Variants in BCAS4 observed in about 807,000 individuals in gnomAD.
BCAS4 encodes breast carcinoma amplified sequence 4.
Under a neutral mutation model 15.7 loss-of-function variants are expected in BCAS4, and 9 were observed. That is an observed-to-expected ratio of 0.57 (90% CI 0.34 to 1.00). BCAS4 has a LOEUF of 1.00. Ranked by LOEUF, BCAS4 falls within the 50% of genes least tolerant of loss-of-function variation. BCAS4 has a pLI of 0.02. For missense variants in BCAS4, 225 were observed against 239.1 expected (o/e 0.94, Z 0.39); for synonymous variants, 101 against 99.5 (o/e 1.02, Z -0.09).
At position 50,835,986 on chromosome 20, in the gene BCAS4, C is replaced by T. The variant is rs1378023804; in HGVS notation, c.264+5606C>T. 2.6e-5 allele frequency among the ~76,000 whole-genome samples: 4 copies of T among 151,650 alleles called. No homozygotes were observed. In the South Asian group the frequency reaches 6.2e-4, roughly 24 times the overall value. ...AGGCTGGAGTGCAATGGCGCGATCT[C>T]GGCTCACTGCAACCTCTGCCTCCCA... is the stretch of plus-strand genomic sequence containing the variant. On this transcript the variant is annotated intron_variant, in intron 3 of 4. Transcript: ENST00000371608.
chr20:50,857,535 G>A (rs2123830666), intron 4 of BCAS4, among the ~76,000 whole-genome samples: 1 of 152,344 alleles, frequency 6.6e-6, no homozygotes, highest in Middle Eastern at 3.4e-3. Context: ...GGCACAGAGA[G>A]GTTAGTAACT....
intron 4 of BCAS4, among the ~76,000 whole-genome samples, chr20:50,853,116 T>C (rs1978531839): frequency 6.6e-6 from 1 of 151,624 alleles, no homozygotes; most frequent in Admixed American, 6.6e-5. Context: ...TGTCAATGAA[T>C]GCAGCTAACA....
At chr20:50,795,570 G>T (rs1234648325) in intron 1 of BCAS4, among the ~76,000 whole-genome samples, 2 of 152,244 alleles carry the variant, frequency 1.3e-5, no homozygotes. Context: ...CTGCGCTGCT[G>T]CAGCTCGGAG....
At chr20:50,796,482 TA>T (rs1338050747) in intron 1 of BCAS4, among the ~76,000 whole-genome samples, 801 of 13,492 alleles carry the variant, frequency 0.059, 23 homozygotes, top group African/African-American at 0.088. Flanking sequence ...TATATATATA[TA>T]TATATTTTTT....
At chr20:50,824,931 T>A (rs1358110710) in intron 2 of BCAS4, among the ~76,000 whole-genome samples, 2 of 152,202 alleles carry the variant, frequency 1.3e-5, no homozygotes, top group African/African-American at 2.4e-5. Flanking sequence ...TTTTTAGGCA[T>A]GATTGGGCTG....
chr20:50,814,909 A>G (rs2088119633), intron 1 of BCAS4, among the ~76,000 whole-genome samples: 1 of 152,104 alleles, frequency 6.6e-6, no homozygotes, highest in African/African-American at 2.4e-5. Flanking sequence ...GGAGCTTGAG[A>G]CCAGCCTGGG....
At chr20:50,858,102 C>G (rs534613947) in intron 4 of BCAS4, among the ~76,000 whole-genome samples, 6 of 152,286 alleles carry the variant, frequency 3.9e-5, no homozygotes, top group South Asian at 4.1e-4. Flanking sequence ...ACCTCCACCC[C>G]ATCTTCATTC....
intron 3 of BCAS4, among the ~76,000 whole-genome samples, chr20:50,834,961 G>A (rs145797908): frequency 8.6e-4 from 131 of 152,286 alleles, no homozygotes; most frequent in African/African-American, 3.0e-3. Flanking sequence ...ATTAGCTGGC[G>A]CACAGTTGGG....
intron 3 of BCAS4, among the ~76,000 whole-genome samples, chr20:50,834,963 A>C (rs527621389): frequency 3.3e-5 from 5 of 152,190 alleles, no homozygotes; most frequent in Non-Finnish European, 7.3e-5. Context: ...TAGCTGGCGC[A>C]CAGTTGGGTG....
At chr20:50,854,808 C>T (rs2123827133) in intron 4 of BCAS4, among the ~76,000 whole-genome samples, 1 of 152,368 alleles carries the variant, frequency 6.6e-6, no homozygotes, top group African/African-American at 2.4e-5. Flanking sequence ...GTCTTCAAGG[C>T]TGCCAAAGCC....
At chr20:50,881,060 C>A (rs557779743), downstream of BCAS4, 2 of 152,100 alleles carry the variant, frequency 1.3e-5, no homozygotes, top group African/African-American at 2.4e-5. Context: ...TAGCAAAACC[C>A]CTTCTCTGTA....
chr20:50,805,386 G>T (rs1484656152), intron 1 of BCAS4, among the ~76,000 whole-genome samples: 1 of 152,142 alleles, frequency 6.6e-6, no homozygotes, highest in Non-Finnish European at 1.5e-5. Context: ...GTTTTATTTG[G>T]CTGTCATAGT....
At chr20:50,850,726 G>T (rs961992383) in intron 4 of BCAS4, among the ~76,000 whole-genome samples, 10 of 152,172 alleles carry the variant, frequency 6.6e-5, no homozygotes, top group Admixed American at 1.3e-4. Flanking sequence ...CGGCGTCCCT[G>T]CCCAGCCAGC....
intron 1 of BCAS4, among the ~76,000 whole-genome samples, chr20:50,795,465 T>C (rs1222335927): frequency 6.6e-6 from 1 of 152,072 alleles, no homozygotes; most frequent in African/African-American, 2.4e-5. Context: ...AGGCCGGCCC[T>C]GGGAGAGGCG....
At chr20:50,850,620 G>GC (rs140308711) in intron 4 of BCAS4, among the ~76,000 whole-genome samples, 7,662 of 152,158 alleles carry the variant, frequency 0.05, 401 homozygotes, top group East Asian at 0.2. Context: ...GTTTTTATTT[G>GC]GGGGGGTTGC....
chr20:50,828,035 A>ATT (rs910098007), intron 2 of BCAS4, among the ~76,000 whole-genome samples: 3 of 144,776 alleles, frequency 2.1e-5, no homozygotes, highest in Non-Finnish European at 3.0e-5. Flanking sequence ...GCCTTCAAAA[A>ATT]TTTTTTTTTT....
chr20:50,854,848 C>G (rs1357981175), intron 4 of BCAS4, among the ~76,000 whole-genome samples: 1 of 152,202 alleles, frequency 6.6e-6, no homozygotes, highest in Non-Finnish European at 1.5e-5. Context: ...TACAGAATAA[C>G]CTGTCGCCTG....
chr20:50,849,610 T>C (rs995928845), intron 4 of BCAS4, among the ~76,000 whole-genome samples: 1 of 151,714 alleles, frequency 6.6e-6, no homozygotes, highest in African/African-American at 2.4e-5. Flanking sequence ...CAGGAGGGAG[T>C]GGTGGGGACT....
intron 4 of BCAS4, among the ~76,000 whole-genome samples, chr20:50,871,582 G>C (rs1258324991): frequency 6.6e-6 from 1 of 152,214 alleles, no homozygotes; most frequent in African/African-American, 2.4e-5. Context: ...GAATTTTGAG[G>C]CTCATGAACA....
Sources: allele counts gnomAD v4.1 joint callset (sites outside exome capture counted in the v4.1 genomes callset), GRCh38; gene constraint gnomAD v4.1.1; transcripts MANE v1.5; gene names NCBI Gene and HGNC (gene_info 2026-07-23, HGNC 2026-07-21).